CORIN: variants seen among roughly 807,000 people sequenced by gnomAD.
CORIN encodes the protein corin, serine peptidase, also known as atrial natriuretic peptide-converting enzyme.
In CORIN, 117 loss-of-function variants were observed where a neutral mutation model predicts 125.3. The observed-to-expected ratio is 0.93, with a 90% CI of 0.80 to 1.09. The LOEUF is 1.09. Ranked by LOEUF, CORIN falls within the 50% of genes least tolerant of loss-of-function variation. CORIN has a pLI of 0.00. For synonymous variants in CORIN, 450 were observed against 466.4 expected (o/e 0.96, Z 0.45); for missense variants, 1,253 against 1,306.7 (o/e 0.96, Z 0.63).
chr4:47,680,083 C>A, intron 8 of CORIN, 58 bp downstream of exon 8: 2 of 1,091,556 alleles, frequency 1.8e-6, no homozygotes, highest in East Asian at 2.4e-5. Context: ...ACCTTGAGTA[C>A]AGCCTAAAGA....
chr4:47,624,808 G>T (rs1472972417), intron 17 of CORIN, among the ~76,000 whole-genome samples: 5 of 151,342 alleles, frequency 3.3e-5, no homozygotes, highest in South Asian at 2.1e-4. Flanking sequence ...AAATGAAAAA[G>T]GACAATAAAA....
chr4:47,613,885 C>G (rs1422610412), intron 19 of CORIN, among the ~76,000 whole-genome samples: 1 of 151,296 alleles, frequency 6.6e-6, no homozygotes, highest in South Asian at 2.1e-4. Flanking sequence ...GTGCAGCGCA[C>G]CAGCATGGCA....
intron 5 of CORIN, among the ~76,000 whole-genome samples, chr4:47,726,889 TA>T (rs1727617183): frequency 6.6e-6 from 1 of 152,014 alleles, no homozygotes; most frequent in Admixed American, 6.5e-5. Flanking sequence ...AGCATTTTAT[TA>T]AAATATTGTA....
In CORIN at chr4:47,838,060, G is replaced by A; in HGVS notation, c.-111C>T. 6.5e-7 allele frequency: 1 copy of A among 1,541,300 alleles called. No homozygotes were observed. Reference sequence around the variant, plus strand: ...GATGATTTTCTCCAAGCTCAAGAGAGACAAACTGAACTTTAAGCGCCAGGG... The same window carrying A: ...GATGATTTTCTCCAAGCTCAAGAGAAACAAACTGAACTTTAAGCGCCAGGG... On this transcript the variant is annotated 5_prime_UTR_variant, in exon 1 of 22. Transcript: ENST00000273857.
At chr4:47,626,120 T>C (rs1344172801) in intron 17 of CORIN, among the ~76,000 whole-genome samples, 2 of 152,204 alleles carry the variant, frequency 1.3e-5, no homozygotes, top group Non-Finnish European at 2.9e-5. Flanking sequence ...TGAGGGTTTA[T>C]TTTGAATAAG....
intron 20 of CORIN, among the ~76,000 whole-genome samples, chr4:47,602,701 G>C (rs1447664341): frequency 6.6e-6 from 1 of 152,114 alleles, no homozygotes; most frequent in Non-Finnish European, 1.5e-5. Context: ...TCTGAAGTGT[G>C]GAGAGGGATT....
At chr4:47,801,374 G>A (rs573011096) in intron 2 of CORIN, among the ~76,000 whole-genome samples, 26 of 152,316 alleles carry the variant, frequency 1.7e-4, no homozygotes, top group Middle Eastern at 3.4e-3. Flanking sequence ...GGCAGAGCAA[G>A]AGGCCTGATA....
chr4:47,705,574 G>A (rs1031728328), intron 5 of CORIN, among the ~76,000 whole-genome samples: 1 of 152,188 alleles, frequency 6.6e-6, no homozygotes, highest in African/African-American at 2.4e-5. Flanking sequence ...TTTCCTAATA[G>A]TCAAAACTGA....
At chr4:47,757,233 C>T (rs1729191051) in intron 4 of CORIN, among the ~76,000 whole-genome samples, 1 of 151,982 alleles carries the variant, frequency 6.6e-6, no homozygotes, top group Non-Finnish European at 1.5e-5. Context: ...GCTTGCAGAT[C>T]CCACACATAC....
At chr4:47,734,376 C>A (rs577312399) in intron 5 of CORIN, among the ~76,000 whole-genome samples, 1 of 152,180 alleles carries the variant, frequency 6.6e-6, no homozygotes, top group African/African-American at 2.4e-5. Context: ...TGACACCCAA[C>A]GCAAGTCCAC....
At chr4:47,602,028 G>C (rs1232242123) in intron 20 of CORIN, among the ~76,000 whole-genome samples, 2 of 150,306 alleles carry the variant, frequency 1.3e-5, no homozygotes. Context: ...TTTTTTTTAA[G>C]TTTCAGGTGG....
intron 7 of CORIN, chr4:47,682,989 C>T (rs941892058): frequency 5.9e-5 from 9 of 152,230 alleles, no homozygotes; most frequent in African/African-American, 2.2e-4. Context: ...TTGATGTTAT[C>T]TAATGCAGGA....
chr4:47,816,708 G>A (rs1454164396), intron 1 of CORIN, among the ~76,000 whole-genome samples: 2 of 152,060 alleles, frequency 1.3e-5, no homozygotes, highest in African/African-American at 2.4e-5. Flanking sequence ...GAGGAGGGGG[G>A]CCAAAGAGAA....
intron 1 of CORIN, chr4:47,837,649 G>A: frequency 3.2e-6 from 2 of 627,792 alleles, no homozygotes; most frequent in South Asian, 3.6e-5. Flanking sequence ...CCATGACCCT[G>A]GGAGGGTCTC....
intron 5 of CORIN, among the ~76,000 whole-genome samples, chr4:47,720,176 C>T (rs371415880): frequency 1.3e-5 from 2 of 152,134 alleles, no homozygotes; most frequent in East Asian, 1.9e-4. Flanking sequence ...AAACAAAAGA[C>T]TTCATGAAAT....
At chr4:47,741,626 T>G (rs1444315783) in intron 5 of CORIN, among the ~76,000 whole-genome samples, 1 of 152,060 alleles carries the variant, frequency 6.6e-6, no homozygotes, top group Admixed American at 6.6e-5. Flanking sequence ...ACAGCATTAT[T>G]CATAACAGTC....
At chr4:47,599,087 T>A (rs528690774) in intron 21 of CORIN, among the ~76,000 whole-genome samples, 1 of 152,288 alleles carries the variant, frequency 6.6e-6, no homozygotes, top group Admixed American at 6.5e-5. Context: ...AGGCTTCAAA[T>A]CCTGTGCCCC....
chr4:47,798,169 C>A (rs1731380513), intron 2 of CORIN, among the ~76,000 whole-genome samples: 1 of 152,112 alleles, frequency 6.6e-6, no homozygotes. Context: ...CAATTTACTA[C>A]TGCTTTCTTC....
chr4:47,800,367 G>C (rs775916338), intron 2 of CORIN, among the ~76,000 whole-genome samples: 1 of 151,956 alleles, frequency 6.6e-6, no homozygotes, highest in African/African-American at 2.4e-5. Flanking sequence ...AAGCACAGAC[G>C]TACTTAAATG....
Sources: allele counts gnomAD v4.1 joint callset (sites outside exome capture counted in the v4.1 genomes callset), GRCh38; gene constraint gnomAD v4.1.1; transcripts MANE v1.5; gene names NCBI Gene and HGNC (gene_info 2026-07-23, HGNC 2026-07-21).